Variants in KLF8 observed in about 807,000 individuals in gnomAD.
The protein encoded by KLF8 is Krueppel-like factor 8.
Under a neutral mutation model 18.2 loss-of-function variants are expected in KLF8, and 10 were observed. The ratio of observed to expected loss-of-function variants is 0.55; its 90% CI spans 0.34 to 0.93. KLF8 has a LOEUF of 0.93. KLF8 is among the 40% of genes least tolerant of loss of function. The pLI is 0.02. For missense variants in KLF8, 264 were observed against 277.9 expected (o/e 0.95, Z 0.36); for synonymous variants, 109 against 97.3 (o/e 1.12, Z -0.71).
chrX:56,210,503 A>C, the KLF8 span, among the ~76,000 whole-genome samples: 1 of 111,175 alleles, frequency 9.0e-6, no homozygotes, highest in East Asian at 2.8e-4. Context: ...TGATTTTTAA[A>C]TGCCTTGAGG....
chrX:56,151,945 A>G, the KLF8 span, among the ~76,000 whole-genome samples: 126 of 111,428 alleles, frequency 1.1e-3, no homozygotes, highest in Admixed American at 1.8e-3. Flanking sequence ...AATCTCTAGT[A>G]TGGCATAGTA....
the KLF8 span, among the ~76,000 whole-genome samples, chrX:56,190,032 TA>T: frequency 9.2e-6 from 1 of 108,235 alleles, no homozygotes; most frequent in Non-Finnish European, 1.9e-5. Flanking sequence ...ATAATAAAAT[TA>T]AAAAAATAAA....
the KLF8 span, among the ~76,000 whole-genome samples, chrX:55,909,065 C>T: frequency 9.0e-6 from 1 of 111,480 alleles, no homozygotes. Flanking sequence ...GACTTCCTCC[C>T]TCCTGGCATT....
At chrX:56,001,860 G>T in the KLF8 span, among the ~76,000 whole-genome samples, 5 of 111,805 alleles carry the variant, frequency 4.5e-5, no homozygotes, top group East Asian at 1.4e-3. Context: ...CTCCTCAAAT[G>T]CTCTCTTGCA....
chrX:55,967,621 T>C, the KLF8 span, among the ~76,000 whole-genome samples: 1 of 111,799 alleles, frequency 8.9e-6, no homozygotes, highest in Non-Finnish European at 1.9e-5. Context: ...GAGAGAATTC[T>C]GCTATCAGAA....
At chrX:55,998,266 C>T in the KLF8 span, among the ~76,000 whole-genome samples, 11 of 109,523 alleles carry the variant, frequency 1.0e-4, no homozygotes, top group Non-Finnish European at 2.1e-4. Flanking sequence ...CTTGTCTCAA[C>T]TGCAAGAGGC....
chrX:56,182,373 T>G, the KLF8 span, among the ~76,000 whole-genome samples: 2 of 112,302 alleles, frequency 1.8e-5, no homozygotes, highest in African/African-American at 6.5e-5. Context: ...TAATCTTTTT[T>G]GAAGGATTTT....
At chrX:56,017,022 T>C in the KLF8 span, among the ~76,000 whole-genome samples, 1 of 111,773 alleles carries the variant, frequency 8.9e-6, no homozygotes, top group South Asian at 3.7e-4. Context: ...GTGCTATATA[T>C]CTATATTTAA....
At chrX:55,934,766 C>G in the KLF8 span, among the ~76,000 whole-genome samples, 1 of 112,304 alleles carries the variant, frequency 8.9e-6, no homozygotes, top group African/African-American at 3.2e-5. Flanking sequence ...GAAAATTGAT[C>G]AAATTCCTCC....
chrX:56,119,424 G>T, the KLF8 span, among the ~76,000 whole-genome samples: 91 of 110,632 alleles, frequency 8.2e-4, no homozygotes, highest in Non-Finnish European at 1.4e-3. Flanking sequence ...TATTTTTTGA[G>T]ACAGAGTCTC....
the KLF8 span, among the ~76,000 whole-genome samples, chrX:56,080,540 C>T: frequency 9.0e-6 from 1 of 111,476 alleles, no homozygotes; most frequent in Non-Finnish European, 1.9e-5. Flanking sequence ...ATGGGCTTCC[C>T]TTTGAGGGTA....
chrX:56,030,014 C>T, the KLF8 span, among the ~76,000 whole-genome samples: 4 of 112,422 alleles, frequency 3.6e-5, no homozygotes, highest in Non-Finnish European at 7.5e-5. Flanking sequence ...ATCTTCTGCA[C>T]TTTGACTAAC....
the KLF8 span, among the ~76,000 whole-genome samples, chrX:56,021,365 T>A: frequency 1.2e-4 from 13 of 111,824 alleles, no homozygotes; most frequent in South Asian, 1.9e-3. Flanking sequence ...TGATGGACAT[T>A]TGGGTCATGT....
intron 3 of KLF8, 125 bp downstream of exon 3, chrX:56,265,869 A>C (rs1024853377): frequency 2.8e-6 from 3 of 1,074,187 alleles, no homozygotes; most frequent in Non-Finnish European, 3.6e-6. Flanking sequence ...GTAATCTTTC[A>C]AAAGTACTGT....
the KLF8 span, among the ~76,000 whole-genome samples, chrX:56,033,421 T>A: frequency 1.8e-5 from 2 of 111,750 alleles, no homozygotes; most frequent in East Asian, 5.6e-4. Context: ...TTTTTTTTGA[T>A]GGGCACTTAG....
At chrX:56,100,400 C>A in the KLF8 span, among the ~76,000 whole-genome samples, 1 of 111,801 alleles carries the variant, frequency 8.9e-6, no homozygotes, top group African/African-American at 3.2e-5. Flanking sequence ...ATGGCTAAGA[C>A]AACATCCATT....
At chrX:56,048,712 G>A in the KLF8 span, among the ~76,000 whole-genome samples, 3 of 111,772 alleles carry the variant, frequency 2.7e-5, no homozygotes, top group South Asian at 1.1e-3. Context: ...GATGCCTCCA[G>A]CTTTGTTCTT....
the KLF8 span, among the ~76,000 whole-genome samples, chrX:56,107,320 A>G: frequency 3.6e-5 from 4 of 112,217 alleles, no homozygotes; most frequent in Non-Finnish European, 5.6e-5. Context: ...TGCCCTGCCC[A>G]CAGAGGTGGA....
At chrX:56,231,635 C>T (rs544409557), upstream of KLF8, among the ~76,000 whole-genome samples, 11 of 111,591 alleles carry the variant, frequency 9.9e-5, no homozygotes, top group East Asian at 2.8e-3. Flanking sequence ...CTTGTGACTT[C>T]CTGGCCTCCC....
Sources: gnomAD v4.1 joint callset for allele counts (sites outside exome capture counted in the v4.1 genomes callset) on GRCh38, gnomAD v4.1.1 for gene constraint, MANE v1.5 for transcripts, NCBI Gene and HGNC (gene_info 2026-07-23, HGNC 2026-07-21) for gene names.